ADCY2: variants seen among roughly 807,000 people sequenced by gnomAD.
ADCY2 encodes adenylate cyclase type 2.
A neutral mutation model predicts 125.2 loss-of-function variants in ADCY2; 31 were observed. The observed-to-expected ratio is 0.25, with a 90% CI of 0.19 to 0.33. The LOEUF (loss-of-function observed/expected upper bound fraction) is 0.33. Among genes scored for constraint, ADCY2 ranks in the 10% least tolerant of loss-of-function variants. The pLI, the probability that ADCY2 is intolerant of heterozygous loss-of-function variation, is 1.00. For synonymous variants in ADCY2, 512 were observed against 548.4 expected, an observed-to-expected ratio of 0.93 and a Z score of 0.93; for missense variants, 904 against 1,418.2, an observed-to-expected ratio of 0.64 and a Z score of 5.82.
intron 1 of ADCY2, among the ~76,000 whole-genome samples, chr5:7,404,383 C>T (rs1652593300): frequency 6.6e-6 from 1 of 152,110 alleles, no homozygotes; most frequent in Admixed American, 6.5e-5. Context: ...TAGATTATGT[C>T]ATGGAAACAA....
chr5:7,582,175 C>G (rs1022981783), intron 3 of ADCY2, among the ~76,000 whole-genome samples: 4 of 152,024 alleles, frequency 2.6e-5, no homozygotes, highest in Non-Finnish European at 5.9e-5. Context: ...AGACATTTTA[C>G]AATAATATCA....
At chr5:7,601,124 G>C (rs188611436) in intron 3 of ADCY2, among the ~76,000 whole-genome samples, 242 of 152,242 alleles carry the variant, frequency 1.6e-3, no homozygotes, top group African/African-American at 5.5e-3. Context: ...CAGGATGACT[G>C]ACTCAGTCCC....
intron 22 of ADCY2, among the ~76,000 whole-genome samples, chr5:7,815,445 A>T (rs574593767): frequency 6.6e-6 from 1 of 152,340 alleles, no homozygotes; most frequent in African/African-American, 2.4e-5. Context: ...GCAGGCTGGA[A>T]CAGAAACCGT....
chr5:7,679,527 T>A (rs1390827244), intron 4 of ADCY2, among the ~76,000 whole-genome samples: 1 of 152,150 alleles, frequency 6.6e-6, no homozygotes, highest in African/African-American at 2.4e-5. Flanking sequence ...TAGGAGGTGA[T>A]TCTCTAGGTG....
intron 3 of ADCY2, among the ~76,000 whole-genome samples, chr5:7,555,631 T>G (rs1247356771): frequency 6.6e-6 from 1 of 152,186 alleles, no homozygotes; most frequent in African/African-American, 2.4e-5. Context: ...ATGAGAGGGT[T>G]AGGTACTTTC....
rs150014896 is a variant in ADCY2 at position 7,636,438 on chromosome 5, T to C, written c.720+10122T>C. On this transcript the variant is annotated intron_variant, in intron 4 of 24. Transcript: ENST00000338316. ...AAGGTCAGTGTGGGTGGGATACCTG[T>C]GCAGTCTATGCAGGGTGTGGGGATT... is the stretch of plus-strand genomic sequence containing the variant. Among the ~76,000 whole-genome samples the C allele has an allele frequency of 1.2e-3, 179 of 152,336 alleles. 1 individual carries two copies. The highest frequency in any genetic ancestry group is 4.1e-3 in the African/African-American group (170 of 41,594).
At chr5:7,581,122 A>G (rs10063966) in intron 3 of ADCY2, among the ~76,000 whole-genome samples, 94,792 of 152,054 alleles carry the variant, frequency 0.62, 30,302 homozygotes, top group Non-Finnish European at 0.69. Flanking sequence ...TTGCCAGGAA[A>G]GAAGAACAAC....
At chr5:7,726,318 A>G (rs1175627048) in intron 13 of ADCY2, among the ~76,000 whole-genome samples, 1 of 152,114 alleles carries the variant, frequency 6.6e-6, no homozygotes, top group Admixed American at 6.5e-5. Flanking sequence ...ACTGTATCTC[A>G]CTGATTGTAG....
chr5:7,463,681 G>T (rs1205948829), intron 2 of ADCY2, among the ~76,000 whole-genome samples: 3 of 150,598 alleles, frequency 2.0e-5, no homozygotes, highest in Non-Finnish European at 4.4e-5. Context: ...GCATGTAAAT[G>T]TCTCTATAAT....
At chr5:7,562,324 A>G (rs1178901150) in intron 3 of ADCY2, among the ~76,000 whole-genome samples, 1 of 151,998 alleles carries the variant, frequency 6.6e-6, no homozygotes, top group Non-Finnish European at 1.5e-5. Flanking sequence ...ATTTACATCT[A>G]TGTATCTGAC....
intron 4 of ADCY2, among the ~76,000 whole-genome samples, chr5:7,686,766 A>G (rs1740534286): frequency 6.6e-6 from 1 of 152,248 alleles, no homozygotes. Context: ...TGGAATTATT[A>G]ACATTGTCAG....
chr5:7,708,006 A>C (rs893688828), intron 9 of ADCY2, 168 bp downstream of exon 9: 11 of 722,972 alleles, frequency 1.5e-5, no homozygotes, highest in Non-Finnish European at 2.4e-5. Flanking sequence ...TGTAATTATG[A>C]ATTCAAATAC....
intron 2 of ADCY2, among the ~76,000 whole-genome samples, chr5:7,450,060 A>G (rs1374118839): frequency 6.6e-6 from 1 of 152,126 alleles, no homozygotes; most frequent in Non-Finnish European, 1.5e-5. Context: ...AGACATGACA[A>G]TATTTAAATT....
At chr5:7,715,509 T>C (rs944708246) in intron 11 of ADCY2, among the ~76,000 whole-genome samples, 1 of 150,716 alleles carries the variant, frequency 6.6e-6, no homozygotes, top group African/African-American at 2.4e-5. Flanking sequence ...CAGCTATAAA[T>C]GAGAATGTGC....
At chr5:7,565,083 A>C (rs1176857174) in intron 3 of ADCY2, among the ~76,000 whole-genome samples, 2 of 152,220 alleles carry the variant, frequency 1.3e-5, no homozygotes, top group Non-Finnish European at 2.9e-5. Context: ...TCTCCAGGCC[A>C]CTCAGAGCCT....
At chr5:7,626,459 G>C in intron 4 of ADCY2, 143 bp downstream of exon 4, 4 of 920,252 alleles carry the variant, frequency 4.3e-6, no homozygotes, top group Non-Finnish European at 4.8e-6. Flanking sequence ...CCTGGGGAGT[G>C]TCTTAGTCTG....
At chr5:7,638,571 C>A (rs1738584431) in intron 4 of ADCY2, among the ~76,000 whole-genome samples, 1 of 152,228 alleles carries the variant, frequency 6.6e-6, no homozygotes, top group Admixed American at 6.5e-5. Flanking sequence ...ACACTCCCAG[C>A]ATGAGGCCAA....
intron 2 of ADCY2, among the ~76,000 whole-genome samples, chr5:7,494,419 G>C (rs1450588152): frequency 6.6e-6 from 1 of 151,952 alleles, no homozygotes; most frequent in Non-Finnish European, 1.5e-5. Context: ...TCAACTCTAC[G>C]CTTTCCCTCC....
intron 18 of ADCY2, among the ~76,000 whole-genome samples, chr5:7,777,429 G>A (rs1304990059): frequency 6.6e-6 from 1 of 152,196 alleles, no homozygotes; most frequent in Non-Finnish European, 1.5e-5. Flanking sequence ...TCATGCTCTC[G>A]AACAATGGGA....
Sources: allele counts gnomAD v4.1 joint callset (sites outside exome capture counted in the v4.1 genomes callset), GRCh38; gene constraint gnomAD v4.1.1; transcripts MANE v1.5; gene names NCBI Gene and HGNC (gene_info 2026-07-23, HGNC 2026-07-21).